The following SHISA3 variants were observed in gnomAD, a reference collection of about 807,000 sequenced individuals.
SHISA3 encodes the protein protein shisa-3 homolog.
SHISA3 carries 15 observed loss-of-function variants against 19.2 expected under a neutral mutation model. The ratio of observed to expected loss-of-function variants is 0.78; its 90% CI spans 0.52 to 1.20. The LOEUF is 1.20. Ranked by LOEUF, SHISA3 falls within the 50% of genes most tolerant of loss-of-function variation. SHISA3 has a pLI of 0.00. For missense variants in SHISA3, 327 were observed against 315.7 expected, an observed-to-expected ratio of 1.04 and a Z score of -0.27; for synonymous variants, 145 against 135.2, an observed-to-expected ratio of 1.07 and a Z score of -0.50.
rs368111635 is a variant in SHISA3, at chr4:42,399,368, G to A, written c.277+1035G>A. On this transcript the variant is annotated intron_variant, in intron 1 of 1. Coordinates refer to ENST00000319234, the MANE Select transcript of SHISA3 (RefSeq NM_001080505.3). ...TGCCCTCCATTAGTGCTCCACTAGA[G>A]GGTGAATGTTGGGGGTCAACATTTC... 1.9e-4 allele frequency among the ~76,000 whole-genome samples: 29 copies of A among 152,348 alleles called. No individual in the cohort carries two copies. In the East Asian group the frequency reaches 5.0e-3, roughly 26 times the overall value.
chr4:42,400,340 C>T (rs1218256228), intron 1 of SHISA3, among the ~76,000 whole-genome samples: 1 of 152,182 alleles, frequency 6.6e-6, no homozygotes, highest in Admixed American at 6.5e-5. Flanking sequence ...AGTCTGACTT[C>T]CCAGGCTTGG....
In SHISA3 at chr4:42,398,353, G is replaced by A; in HGVS notation, c.277+20G>A. 5 of 1,518,556 alleles carry A rather than the reference G, an allele frequency of 3.3e-6. No homozygotes were observed. In the South Asian group the frequency reaches 3.7e-5, roughly 11 times the overall value. 94.1% of individuals were successfully genotyped at this position (1,518,556 alleles called of 1,614,324 possible). On this transcript the variant is annotated intron_variant, in intron 1 of 1. Coordinates refer to ENST00000319234, the MANE Select transcript of SHISA3 (RefSeq NM_001080505.3). The stretch of plus-strand genomic sequence containing the variant: ...CTGCGCGTAAGTGCGGGGCCCTCGG[G>A]GACATATCCCCGCCCGCCTAACGGC...
At position 42,401,124 on chromosome 4, in the gene SHISA3, G is replaced by A. The variant is rs1470695464; in HGVS notation, c.390G>A (p.Ser130=). The A allele has an allele frequency of 1.2e-6, 2 of 1,613,994 alleles. No homozygotes were observed. Among genetic ancestry groups the A allele is most frequent in the East Asian group, 2.2e-5 (1 of 44,898 alleles). The change falls in exon 2 of 2, where the codon TCG becomes TCA. Residue 130 remains serine (S), a synonymous_variant. Coordinates refer to ENST00000319234, the MANE Select transcript of SHISA3 (RefSeq NM_001080505.3). ...CCTGTTTGAGACCCAAGGAGCCCTC[G>A]CAGCAGCCAATCCGCTTCTCACTCC... The part of the protein sequence containing the change: ...CCTCLRPKEP[S]QQPIRFSLRS...
rs1181982525 is a variant in SHISA3, at chr4:42,398,300, C to T, written c.244C>T (p.Arg82Cys). 3 of 1,561,888 alleles carry T rather than the reference C, an allele frequency of 1.9e-6. No homozygotes were observed. The highest frequency in any genetic ancestry group is 2.6e-6 in the Non-Finnish European group (3 of 1,154,866). Residue 82 changes from arginine to cysteine, a missense_variant, in exon 1 of 2, where the codon CGC (arginine) becomes TGC (cysteine). Transcript: ENST00000319234. ...RLEQGGCTND[R>C]RELEHPGITA... ...GGAGCAGGGCGGCTGCACCAACGAC[C>T]GCCGCGAACTGGAGCACCCAGGCAT...
In SHISA3 at chr4:42,401,312, C is replaced by T. The variant is rs1299275530; in HGVS notation, c.578C>T (p.Pro193Leu). ...AEPGCLVPSP[P>L]PPYTTSHSIH... ...CCGGGCTGCCTGGTGCCCTCACCGCCCCCGCCATACACCACCAGCCACTCA... is the reference window on the plus strand; with the variant it reads ...CCGGGCTGCCTGGTGCCCTCACCGCTCCCGCCATACACCACCAGCCACTCA... Residue 193 changes from proline (P) to leucine (L), a missense_variant, in exon 2 of 2, where the codon CCC (proline) becomes CTC (leucine). By Grantham distance (98) the Pro-to-Leu change is moderately conservative. Coordinates refer to ENST00000319234, the MANE Select transcript of SHISA3 (RefSeq NM_001080505.3). The T allele has an allele frequency of 8.7e-6, 14 of 1,614,188 alleles. No homozygotes were observed. Among genetic ancestry groups the T allele is most frequent in the Non-Finnish European group, 1.1e-5 (13 of 1,180,004 alleles).
intron 1 of SHISA3, among the ~76,000 whole-genome samples, chr4:42,400,423 C>A (rs549383094): frequency 6.6e-6 from 1 of 152,208 alleles, no homozygotes; most frequent in East Asian, 1.9e-4. Context: ...CCAGAGCTGG[C>A]AATTTGTGGT....
rs771319718 is a variant in SHISA3 at position 42,398,124 on chromosome 4, A to C, written c.68A>C (p.Gln23Pro). The change falls in exon 1 of 2, where the codon CAG becomes CCG. Residue 23 changes from glutamine to proline, a missense_variant. By Grantham distance (76) the Gln-to-Pro change is moderately conservative (BLOSUM62 -1). Coordinates refer to ENST00000319234, the MANE Select transcript of SHISA3 (RefSeq NM_001080505.3). ...WLRWGPAGAQ[Q>P]SGEYCHGWVD... Reference sequence around the variant, plus strand: ...CGCTGGGGCCCGGCGGGCGCCCAGCAGTCCGGAGAGTACTGCCACGGCTGG... The same window carrying C: ...CGCTGGGGCCCGGCGGGCGCCCAGCCGTCCGGAGAGTACTGCCACGGCTGG... The C allele has an allele frequency of 3.1e-6, 5 of 1,602,884 alleles. No homozygotes were observed. The highest frequency in any genetic ancestry group is 4.3e-6 in the Non-Finnish European group (5 of 1,175,746).
In SHISA3 at chr4:42,398,174, G is replaced by A; in HGVS notation, c.118G>A (p.Glu40Lys). 1 of 1,606,954 alleles carries A rather than the reference G, an allele frequency of 6.2e-7. No individual in the cohort carries two copies. Among genetic ancestry groups the A allele is most frequent in the Non-Finnish European group, 8.5e-7 (1 of 1,177,110 alleles). ...GGTGGACGTGCAGGGCAACTACCAC[G>A]AGGGCTTCCAGTGCCCAGAGGACTT... ...GWVDVQGNYH[E>K]GFQCPEDFDT... Residue 40 changes from glutamate (E) to lysine (K), a missense_variant, in exon 1 of 2, where the codon GAG (glutamate) becomes AAG (lysine). By Grantham distance (56) the Glu-to-Lys change is moderately conservative. Transcript: ENST00000319234.
At chr4:42,398,683 T>A (rs1001827016) in intron 1 of SHISA3, among the ~76,000 whole-genome samples, 1 of 152,090 alleles carries the variant, frequency 6.6e-6, no homozygotes, top group Non-Finnish European at 1.5e-5. Context: ...CAGGGTAGAC[T>A]TGGGTTTTGG....
In SHISA3 at chr4:42,401,281, G is replaced by T. The variant is rs2153163270; in HGVS notation, c.547G>T (p.Ala183Ser). The T allele has an allele frequency of 6.2e-7, 1 of 1,614,088 alleles. No homozygotes were observed. The highest frequency in any genetic ancestry group is 2.2e-5 in the East Asian group (1 of 44,886). ...CATCCGCAGGTTCTCCTTTGCCAGGGCTGAGCCGGGCTGCCTGGTGCCCTC... is the reference window on the plus strand; with the variant it reads ...CATCCGCAGGTTCTCCTTTGCCAGGTCTGAGCCGGGCTGCCTGGTGCCCTC... ...GSIRRFSFAR[A>S]EPGCLVPSPP... The change falls in exon 2 of 2, where the codon GCT (alanine) becomes TCT (serine). Residue 183 changes from alanine (A) to serine (S), a missense_variant. Physicochemically the swap from Ala to Ser is moderately conservative, Grantham distance 99. Transcript: ENST00000319234.
At chr4:42,400,931 A>C in intron 1 of SHISA3, 81 bp from the exon 2 acceptor site, 1 of 1,436,202 alleles carries the variant, frequency 7.0e-7, no homozygotes, top group South Asian at 1.3e-5. Context: ...CCCACCTCTC[A>C]ACCCTCAGCT....
At chr4:42,399,866 G>A (rs1216247669) in intron 1 of SHISA3, among the ~76,000 whole-genome samples, 1 of 152,226 alleles carries the variant, frequency 6.6e-6, no homozygotes, top group Non-Finnish European at 1.5e-5. Flanking sequence ...CTTGCACGCT[G>A]GTGCTAGTAA....
At position 42,398,127 on chromosome 4, in the gene SHISA3, C is replaced by T. The variant is rs773465460; in HGVS notation, c.71C>T (p.Ser24Phe). 77 of 1,603,386 alleles carry T rather than the reference C, an allele frequency of 4.8e-5. No homozygotes were observed. The highest frequency in any genetic ancestry group is 1.0e-4 in the Admixed American group (6 of 58,826). Residue 24 changes from serine to phenylalanine, a missense_variant, in exon 1 of 2, where the codon TCC becomes TTC. By Grantham distance (155) the Ser-to-Phe change is radical. Coordinates refer to ENST00000319234, the MANE Select transcript of SHISA3 (RefSeq NM_001080505.3). ...TGGGGCCCGGCGGGCGCCCAGCAGT[C>T]CGGAGAGTACTGCCACGGCTGGGTG... is the stretch of plus-strand genomic sequence containing the variant. ...LRWGPAGAQQ[S>F]GEYCHGWVDV...
rs1711896177 is a variant in SHISA3 at position 42,401,022 on chromosome 4, C to T, written c.288C>T (p.Tyr96=). 5 of 1,614,004 alleles carry T rather than the reference C, an allele frequency of 3.1e-6. No homozygotes were observed. Among genetic ancestry groups the T allele is most frequent in the Non-Finnish European group, 3.4e-6 (4 of 1,179,890 alleles). The stretch of plus-strand genomic sequence containing the variant: ...GTTTTTGCCTTTTAGAGCCTGTCTA[C>T]GTCCCCTTTCTCATCGTCGGCTCCA... The part of the protein sequence containing the change: ...EHPGITAQPV[Y]VPFLIVGSIF... The change falls in exon 2 of 2, where the codon TAC becomes TAT. Residue 96 remains tyrosine (Y), a synonymous_variant. Transcript: ENST00000319234.
chr4:42,398,392 G>C, intron 1 of SHISA3, 59 bp downstream of exon 1: 1 of 1,469,340 alleles, frequency 6.8e-7, no homozygotes, highest in East Asian at 2.5e-5. Context: ...GGCTGCATGT[G>C]TGCGCGGGAG....
Position 42,399,904 on chromosome 4 carries a change from G to A in SHISA3, c.278-1108G>A, listed in dbSNP as rs558701706. On this transcript the variant is annotated intron_variant, in intron 1 of 1. Transcript: ENST00000319234. ...AAGGGAGAATGGGAGGGACACAGAA[G>A]AGCTTACGCCTAGTAGCCCACAAAT... 2.6e-5 allele frequency among the ~76,000 whole-genome samples: 4 copies of A among 152,348 alleles called. No individual in the cohort carries two copies. In the South Asian group the frequency reaches 8.3e-4, roughly 32 times the overall value.
chr4:42,400,462 C>A (rs1462015338), intron 1 of SHISA3, among the ~76,000 whole-genome samples: 1 of 152,220 alleles, frequency 6.6e-6, no homozygotes. Context: ...TCGATTGGGG[C>A]CCTCTGTGAA....
At position 42,401,592 on chromosome 4, in the gene SHISA3, T is replaced by G; in HGVS notation, c.*141T>G. The G allele has an allele frequency of 1.1e-6, 1 of 874,254 alleles. No homozygotes were observed. Among genetic ancestry groups the G allele is most frequent in the Non-Finnish European group, 1.7e-6 (1 of 593,844 alleles). The allele number at this position is 874,254 out of a possible 1,614,324, so 54.2% of individuals were successfully genotyped here. On this transcript the variant is annotated 3_prime_UTR_variant, in exon 2 of 2. Coordinates refer to ENST00000319234, the MANE Select transcript of SHISA3 (RefSeq NM_001080505.3). ...GAGCATGCTAGGAAAACACAGCACC[T>G]TCTAATTTGAAAGTTCCTGTCTCCA...
chr4:42,398,766 A>G (rs1020346941), intron 1 of SHISA3, among the ~76,000 whole-genome samples: 2 of 152,150 alleles, frequency 1.3e-5, no homozygotes, highest in Non-Finnish European at 2.9e-5. Flanking sequence ...AATGCAGGGA[A>G]TCGCGACTCT....
Sources: gnomAD v4.1 joint callset for allele counts (sites outside exome capture counted in the v4.1 genomes callset) on GRCh38, gnomAD v4.1.1 for gene constraint, MANE v1.5 for transcripts, NCBI Gene and HGNC (gene_info 2026-07-23, HGNC 2026-07-21) for gene names.